The following RBFOX1 variants were observed in gnomAD, a reference collection of about 807,000 sequenced individuals.
RBFOX1 encodes the protein RNA binding protein fox-1 homolog 1.
In RBFOX1, 8 loss-of-function variants were observed where a neutral mutation model predicts 57.7. That is an observed-to-expected ratio of 0.14 (90% CI 0.08 to 0.25). The LOEUF (loss-of-function observed/expected upper bound fraction) is 0.25, where lower values mean the gene tolerates loss of function less well. RBFOX1 is among the 10% of genes least tolerant of loss of function. The pLI is 1.00. For synonymous variants in RBFOX1, 326 were observed against 222.4 expected, an observed-to-expected ratio of 1.47 and a Z score of -4.15; for missense variants, 611 against 548.5, an observed-to-expected ratio of 1.11 and a Z score of -1.14.
chr16:6,098,873 G>A (rs2096274452), intron 1 of RBFOX1, among the ~76,000 whole-genome samples: 1 of 152,202 alleles, frequency 6.6e-6, no homozygotes, highest in Non-Finnish European at 1.5e-5. Context: ...CTGATTGGCT[G>A]GTAAATAATT....
intron 4 of RBFOX1, among the ~76,000 whole-genome samples, chr16:7,080,107 C>T (rs967198739): frequency 8.6e-5 from 12 of 139,676 alleles, no homozygotes; most frequent in Admixed American, 5.8e-4. Flanking sequence ...ATATATAAAA[C>T]CACAATTTAA....
intron 4 of RBFOX1, among the ~76,000 whole-genome samples, chr16:7,480,927 G>T (rs2063784148): frequency 6.6e-6 from 1 of 152,122 alleles, no homozygotes; most frequent in South Asian, 2.1e-4. Context: ...CAGGGGTAGG[G>T]GTCTCTGTAG....
intron 3 of RBFOX1, among the ~76,000 whole-genome samples, chr16:6,968,950 T>C (rs1404859319): frequency 2.6e-5 from 4 of 152,086 alleles, no homozygotes; most frequent in African/African-American, 9.7e-5. Flanking sequence ...AGTGACCAGA[T>C]TAGTGGGTGC....
intron 9 of RBFOX1, among the ~76,000 whole-genome samples, chr16:7,600,150 A>T (rs1364701082): frequency 6.6e-6 from 1 of 152,184 alleles, no homozygotes; most frequent in African/African-American, 2.4e-5. Context: ...CTCAGTTTCC[A>T]GGAATAAGTC....
chr16:6,975,575 C>A (rs2086650214), intron 3 of RBFOX1, among the ~76,000 whole-genome samples: 1 of 152,102 alleles, frequency 6.6e-6, no homozygotes, highest in African/African-American at 2.4e-5. Flanking sequence ...CCGCAAGTGC[C>A]CATATGTTGA....
intron 4 of RBFOX1, among the ~76,000 whole-genome samples, chr16:7,342,307 C>T (rs376643052): frequency 6.6e-6 from 1 of 152,118 alleles, no homozygotes; most frequent in Admixed American, 6.5e-5. Context: ...ATGCCTAGGG[C>T]TGGGCTTCCA....
At chr16:7,403,374 A>G (rs573189659) in intron 4 of RBFOX1, among the ~76,000 whole-genome samples, 3 of 152,214 alleles carry the variant, frequency 2.0e-5, no homozygotes, top group Middle Eastern at 3.4e-3. Context: ...TTTGACTAAC[A>G]TCTCCCCATT....
chr16:5,973,386 C>T lies in RBFOX1; in HGVS notation c.351+106051C>T, dbSNP rs149053574. Among the ~76,000 whole-genome samples, 477 of 152,272 alleles carry T rather than the reference C, an allele frequency of 3.1e-3. 3 individuals are homozygous for T. The highest frequency in any genetic ancestry group is 0.011 in the African/African-American group (463 of 41,546). ...CCTGCTATTTTTCTGACATTGTTTC[C>T]TTCAAACTCATCATAGTTAGTATGT... is the stretch of plus-strand genomic sequence containing the variant. On this transcript the variant is annotated intron_variant, in intron 4 of 19. Transcript: ENST00000641259.
intron 2 of RBFOX1, among the ~76,000 whole-genome samples, chr16:6,629,486 G>T (rs1220805681): frequency 6.6e-6 from 1 of 152,148 alleles, no homozygotes; most frequent in East Asian, 1.9e-4. Flanking sequence ...GTTGGGATCA[G>T]CTGTCTTCAT....
At chr16:5,416,456 G>A (rs1037986565) in intron 1 of RBFOX1, among the ~76,000 whole-genome samples, 3 of 152,048 alleles carry the variant, frequency 2.0e-5, no homozygotes, top group Non-Finnish European at 4.4e-5. Flanking sequence ...TTCCCGTGTC[G>A]GTTGGGCAGA....
chr16:5,244,712 C>T (rs1364209289), intron 1 of RBFOX1, among the ~76,000 whole-genome samples: 2 of 152,208 alleles, frequency 1.3e-5, no homozygotes, highest in South Asian at 2.1e-4. Context: ...GAATGCAGTG[C>T]GTAAGTGGGA....
chr16:6,110,337 T>C (rs1383779290), intron 1 of RBFOX1, among the ~76,000 whole-genome samples: 1 of 152,098 alleles, frequency 6.6e-6, no homozygotes, highest in African/African-American at 2.4e-5. Context: ...TGATGATTGC[T>C]AGAGAATAGC....
chr16:5,730,566 T>C (rs1336972708), intron 3 of RBFOX1, among the ~76,000 whole-genome samples: 1 of 152,148 alleles, frequency 6.6e-6, no homozygotes, highest in East Asian at 1.9e-4. Flanking sequence ...ACTGCCATCA[T>C]CATCGTCATC....
At chr16:5,784,363 C>T (rs1408901424) in intron 3 of RBFOX1, among the ~76,000 whole-genome samples, 3 of 151,814 alleles carry the variant, frequency 2.0e-5, no homozygotes, top group Non-Finnish European at 4.4e-5. Context: ...GGAGGCGGAG[C>T]TTGCAGTGAG....
At chr16:6,573,532 G>C (rs1410422159) in intron 2 of RBFOX1, among the ~76,000 whole-genome samples, 2 of 152,184 alleles carry the variant, frequency 1.3e-5, no homozygotes, top group East Asian at 1.9e-4. Context: ...GCAAATCTCT[G>C]ATATTCCTGC....
chr16:5,616,687 G>A (rs1421374401), intron 3 of RBFOX1, among the ~76,000 whole-genome samples: 6 of 64,450 alleles, frequency 9.3e-5, no homozygotes, highest in African/African-American at 1.5e-4. Context: ...TTTATCTTCC[G>A]CCCCCTGATT....
rs372320521 is a variant in RBFOX1 at position 5,463,054 on chromosome 16, G to T, written c.220-4162G>T. The stretch of plus-strand genomic sequence containing the variant: ...TTTTAAAAAATGAAAGTATTTTTGT[G>T]TATGTATATATACATAGATGATAGA... On this transcript the variant is annotated intron_variant, in intron 1 of 2. Coordinates refer to the RBFOX1 transcript ENST00000585867. 7.2e-5 allele frequency among the ~76,000 whole-genome samples: 11 copies of T among 152,288 alleles called. No individual in the cohort carries two copies. The East Asian group carries it at 2.1e-3, about 29-fold the overall frequency.
chr16:5,963,289 C>T (rs945380081), intron 4 of RBFOX1, among the ~76,000 whole-genome samples: 1 of 152,148 alleles, frequency 6.6e-6, no homozygotes, highest in Non-Finnish European at 1.5e-5. Context: ...GGTCATGGAG[C>T]TGGTCCAAGG....
chr16:7,184,702 G>T (rs2083379994), intron 4 of RBFOX1, among the ~76,000 whole-genome samples: 1 of 152,132 alleles, frequency 6.6e-6, no homozygotes, highest in South Asian at 2.1e-4. Context: ...ATGAGCTCTT[G>T]TGAAACTTCT....
Sources: gnomAD v4.1 joint callset for allele counts (sites outside exome capture counted in the v4.1 genomes callset) on GRCh38, gnomAD v4.1.1 for gene constraint, MANE v1.5 for transcripts, NCBI Gene and HGNC (gene_info 2026-07-23, HGNC 2026-07-21) for gene names.